Variants in RGS11 observed in about 807,000 individuals in gnomAD.
RGS11 encodes regulator of G-protein signaling 11.
RGS11 carries 86 observed loss-of-function variants against 71.1 expected under a neutral mutation model. The observed-to-expected ratio is 1.21, with a 90% CI of 1.02 to 1.45. The LOEUF is 1.45. Among genes scored for constraint, RGS11 ranks in the 40% most tolerant of loss-of-function variants. The probability of loss-of-function intolerance (pLI) is 0.00; values close to 1 mark genes in which losing one functional copy is unlikely to be tolerated. For missense variants in RGS11, 734 were observed against 635.1 expected (o/e 1.16, Z -1.67); for synonymous variants, 298 against 254.2 (o/e 1.17, Z -1.64).
At chr16:272,141 T>C in intron 9 of RGS11, 1 of 1,143,286 alleles carries the variant, frequency 8.7e-7, no homozygotes, top group South Asian at 1.9e-5. Context: ...CGGCCTAATA[T>C]GTCACATTTT....
At chr16:274,729 G>T (rs1341775230) in intron 4 of RGS11, 2 of 699,470 alleles carry the variant, frequency 2.9e-6, no homozygotes, top group Admixed American at 2.0e-5. Flanking sequence ...ACGACCCCTT[G>T]TGGGGCCCTG....
At position 268,366 on chromosome 16, in the gene RGS11, A is replaced by T. The variant is rs566740941; in HGVS notation, c.*903T>A. On this transcript the variant is annotated 3_prime_UTR_variant, in exon 17 of 17. Coordinates refer to ENST00000397770, the MANE Select transcript of RGS11 (RefSeq NM_183337.3). ...TGTGTGCTGGACGCTGTTGGGAGTGACTGGATGTGAGCCAGCCCTATGGGT... is the reference window on the plus strand; with the variant it reads ...TGTGTGCTGGACGCTGTTGGGAGTGTCTGGATGTGAGCCAGCCCTATGGGT... 222 of 295,552 alleles carry T rather than the reference A, an allele frequency of 7.5e-4. 1 individual carries two copies. Among genetic ancestry groups the T allele is most frequent in the African/African-American group, 4.6e-3 (216 of 46,556 alleles). 18.3% of individuals were successfully genotyped at this position (295,552 alleles called of 1,614,324 possible).
At position 275,026 on chromosome 16, in the gene RGS11, C is replaced by T; in HGVS notation, c.268G>A (p.Asp90Asn). 6.6e-7 allele frequency: 1 copy of T among 1,512,300 alleles called. No individual in the cohort carries two copies. Among genetic ancestry groups the T allele is most frequent in the Non-Finnish European group, 8.9e-7 (1 of 1,127,124 alleles). The allele number at this position is 1,512,300 out of a possible 1,614,324, so 93.7% of individuals were successfully genotyped here. The change falls in exon 4 of 17, where the codon GAC becomes AAC. Residue 90 changes from aspartate to asparagine, a missense_variant. Physicochemically the swap from Asp to Asn is conservative, Grantham distance 23. Coordinates refer to ENST00000397770, the MANE Select transcript of RGS11 (RefSeq NM_183337.3). ...GGCCGGAGCATGAGGCTACGGGGGT[C>T]GCGCAGCGGGTAGATGTAGCCATGC... ...VQHGYIYPLR[D>N]PRSLMLRPDE...
rs770896911 is a variant in RGS11 at position 275,284 on chromosome 16, C to T, written c.210G>A (p.Glu70=). The change falls in exon 3 of 17, where the codon GAG becomes GAA. Residue 70 remains glutamate, a splice_region_variant and synonymous_variant. Transcript: ENST00000397770. ...CCCAGTGGGAGGCAGGGCGCTCACCCTCCTCCGAGACGCAGAACTTCTGGG... is the reference window on the plus strand; with the variant it reads ...CCCAGTGGGAGGCAGGGCGCTCACCTTCCTCCGAGACGCAGAACTTCTGGG... The part of the protein sequence containing the change: ...WLAQKFCVSE[E]EALHLGAVLV... 14 of 1,612,476 alleles carry T rather than the reference C, an allele frequency of 8.7e-6. No homozygotes were observed. The Admixed American group carries it at 1.3e-4, about 15-fold the overall frequency.
intron 7 of RGS11, 94 bp downstream of exon 7, chr16:273,666 G>T (rs928038203): frequency 6.6e-7 from 1 of 1,517,078 alleles, no homozygotes. Flanking sequence ...TGCCCTCCAC[G>T]GTCCCAGGGC....
Position 270,829 on chromosome 16 carries a change from C to T in RGS11, c.982G>A (p.Glu328Lys). The change falls in exon 14 of 17, where the codon GAA (glutamate) becomes AAA (lysine). Residue 328 changes from glutamate to lysine, a missense_variant and splice_region_variant. Glu to Lys is a moderately conservative substitution (Grantham distance 56). Transcript: ENST00000397770. ...CATGCCTCCCAGAAGCTGAGGTTTT[C>T]TCCTGGGGGGCCGGGCACCCAGTCA... Reference protein sequence around the residue: ...MDFLGKEFSGENLSFWEACEE... With the variant: ...MDFLGKEFSGKNLSFWEACEE... 6.2e-7 allele frequency: 1 copy of T among 1,610,836 alleles called. No homozygotes were observed.
At position 268,995 on chromosome 16, in the gene RGS11, C is replaced by G; in HGVS notation, c.*274G>C. ...GGAGCTCCCTGTGGCCTTGGTCTCA[C>G]CTCTCTTCAGGTAACAGGCTCTGCC... On this transcript the variant is annotated 3_prime_UTR_variant, in exon 17 of 17. Transcript: ENST00000397770. 1 of 1,487,106 alleles carries G rather than the reference C, an allele frequency of 6.7e-7. No homozygotes were observed. The highest frequency in any genetic ancestry group is 9.2e-7 in the Non-Finnish European group (1 of 1,089,424). The allele number at this position is 1,487,106 out of a possible 1,614,324, so 92.1% of individuals were successfully genotyped here.
intron 4 of RGS11, 147 bp from the exon 5 acceptor site, chr16:274,412 C>A: frequency 2.7e-6 from 2 of 746,328 alleles, no homozygotes; most frequent in Non-Finnish European, 2.2e-6. Context: ...CGAGAGACTC[C>A]ACTGACCACT....
intron 8 of RGS11, 24 bp downstream of exon 8, chr16:273,451 C>A: frequency 6.5e-7 from 1 of 1,535,806 alleles, no homozygotes; most frequent in Non-Finnish European, 8.8e-7. Context: ...CAGCGACCCC[C>A]ACCCTCACCG....
rs143680653 is a variant in RGS11 at position 271,466 on chromosome 16, A to G, written c.688-6T>C. On this transcript the variant is annotated splice_polypyrimidine_tract_variant and splice_region_variant and intron_variant, in intron 10 of 16. Transcript: ENST00000397770. The stretch of plus-strand genomic sequence containing the variant: ...GCTTTCCTGAAGTACTCGATCTAGG[A>G]TGTGGGGCCTGTGAGTCAGGTCCCG... 998 of 1,613,906 alleles carry G rather than the reference A, an allele frequency of 6.2e-4. 23 individuals are homozygous for G. In the East Asian group the frequency reaches 0.02, roughly 33 times the overall value.
At position 269,359 on chromosome 16, in the gene RGS11, TG is replaced by T; in HGVS notation, c.1313del (p.Pro438HisfsTer48). 6.2e-7 allele frequency: 1 copy of T among 1,603,732 alleles called. No individual in the cohort carries two copies. Among genetic ancestry groups the T allele is most frequent in the Non-Finnish European group, 8.5e-7 (1 of 1,175,828 alleles). ...KRRVFPFTWR[P>X]RHSSPSPALL... is the part of the protein sequence containing the mutation. Reference sequence around the variant, plus strand: ...GTGCAGGGCTGGGGCTCGAGTGCCGTGGCCTCCACGTAAACGGGAACACGCT... The same window carrying T: ...GTGCAGGGCTGGGGCTCGAGTGCCGTGCCTCCACGTAAACGGGAACACGCT... On this transcript the variant is annotated frameshift_variant, in exon 17 of 17. Transcript: ENST00000397770. LOFTEE classifies it low-confidence loss of function (END_TRUNC).
chr16:269,762 C>G lies in RGS11; in HGVS notation c.1207-177G>C, dbSNP rs60300448. The G allele has an allele frequency of 6.9e-6, 4 of 579,088 alleles. No individual in the cohort carries two copies. In the African/African-American group the frequency reaches 7.5e-5, roughly 11 times the overall value. 35.9% of individuals were successfully genotyped at this position (579,088 alleles called of 1,614,324 possible). A position where few individuals can be genotyped will look rare whatever the true frequency, so the allele number is the denominator to read the frequency against. ...CAGACCAAGGCAGACGCAGGGAGAC[C>G]TGGGCTCCCGTCTGCCTGGGCCATG... On this transcript the variant is annotated intron_variant, in intron 15 of 16. Transcript: ENST00000397770.
At chr16:272,367 C>G in intron 9 of RGS11, 4 of 1,290,596 alleles carry the variant, frequency 3.1e-6, no homozygotes, top group Non-Finnish European at 4.0e-6. Context: ...GAAGTTTTAT[C>G]AGTGAGGTTC....
At chr16:272,219 G>T in intron 9 of RGS11, 1 of 1,184,316 alleles carries the variant, frequency 8.4e-7, no homozygotes, top group Non-Finnish European at 1.1e-6. Context: ...GGATCACTGG[G>T]GAACCAGGTG....
rs1239641400 is a variant in RGS11 at position 274,959 on chromosome 16, G to A, written c.318+17C>T. The A allele has an allele frequency of 6.5e-6, 10 of 1,541,756 alleles. No individual in the cohort carries two copies. In the Admixed American group the frequency reaches 2.0e-4, roughly 30 times the overall value. On this transcript the variant is annotated intron_variant, in intron 4 of 16. Coordinates refer to ENST00000397770, the MANE Select transcript of RGS11 (RefSeq NM_183337.3). ...GTGGGGGTCCCACCGGCTCCCACCTGCACCCCCGAGCCTGACCTGGAACCT... is the reference window on the plus strand; with the variant it reads ...GTGGGGGTCCCACCGGCTCCCACCTACACCCCCGAGCCTGACCTGGAACCT...
At position 270,644 on chromosome 16, in the gene RGS11, C is replaced by T; in HGVS notation, c.1085G>A (p.Gly362Glu). 6.2e-7 allele frequency: 1 copy of T among 1,609,508 alleles called. No individual in the cohort carries two copies. The change falls in exon 15 of 17, where the codon GGA becomes GAA. Residue 362 changes from glycine to glutamate, a missense_variant. Coordinates refer to ENST00000397770, the MANE Select transcript of RGS11 (RefSeq NM_183337.3). ...GTCGATGTTGACCCAGTGGGCAGCT[C>T]CGGGGGCCAGGAACTGCCTAGGGGT... Reference protein sequence around the residue: ...DAVYEQFLAPGAAHWVNIDSR... With the variant: ...DAVYEQFLAPEAAHWVNIDSR...
intron 3 of RGS11, 82 bp from the exon 4 acceptor site, chr16:275,164 C>T: frequency 7.6e-6 from 12 of 1,569,792 alleles, no homozygotes; most frequent in East Asian, 2.3e-5. Flanking sequence ...CCCCTATGTG[C>T]TCCCCACCCT....
chr16:270,622 G>A lies in RGS11; in HGVS notation c.1107C>T (p.Ile369=), dbSNP rs182024637. 5.9e-5 allele frequency: 95 copies of A among 1,608,610 alleles called. No homozygotes were observed. In the East Asian group the frequency reaches 1.1e-3, roughly 18 times the overall value. The change falls in exon 15 of 17, where the codon ATC becomes ATT. Residue 369 remains isoleucine (I), a synonymous_variant. Transcript: ENST00000397770. ...LAPGAAHWVN[I]DSRTMEQTLE... The stretch of plus-strand genomic sequence containing the variant: ...GGGTCTGCTCCATGGTCCGGCTGTC[G>A]ATGTTGACCCAGTGGGCAGCTCCGG...
intron 4 of RGS11, 180 bp downstream of exon 4, chr16:274,796 T>C (rs926920975): frequency 7.1e-6 from 6 of 847,944 alleles, no homozygotes; most frequent in Non-Finnish European, 9.6e-6. Flanking sequence ...TCTCACCACA[T>C]CCGTACTTGC....
Sources: allele counts gnomAD v4.1 joint callset, GRCh38; gene constraint gnomAD v4.1.1; transcripts MANE v1.5; gene names NCBI Gene and HGNC (gene_info 2026-07-23, HGNC 2026-07-21).